BNIP2: variants seen among roughly 807,000 people sequenced by gnomAD.
BNIP2 encodes the protein BCL2/adenovirus E1B 19 kDa protein-interacting protein 2.
In BNIP2, 36 loss-of-function variants were observed where a neutral mutation model predicts 43.4. The observed-to-expected ratio is 0.83, with a 90% CI of 0.64 to 1.10. BNIP2 has a LOEUF of 1.10. BNIP2 is among the 50% of genes least tolerant of loss of function. The pLI is 0.00. For missense variants in BNIP2, 417 were observed against 374.1 expected (o/e 1.11, Z -0.95); for synonymous variants, 146 against 121.0 (o/e 1.21, Z -1.35).
intron 9 of BNIP2, among the ~76,000 whole-genome samples, chr15:59,664,739 G>A (rs569335912): frequency 6.7e-4 from 102 of 152,282 alleles, no homozygotes; most frequent in Non-Finnish European, 1.2e-3. Context: ...CTGTAACTTG[G>A]CTGTGGTAGG....
rs1892239237 is a variant in BNIP2 at position 59,661,114 on chromosome 15, T to A, written c.*2955A>T. The stretch of plus-strand genomic sequence containing the variant: ...CATTTGGGAGGCTGAGACAGGCAGA[T>A]CATGAGGTCAGGAGTTCGAGACCAG... On this transcript the variant is annotated 3_prime_UTR_variant, in exon 10 of 10. Transcript: ENST00000607373. 6.6e-6 allele frequency: 1 copy of A among 152,032 alleles called. No homozygotes were observed. Among genetic ancestry groups the A allele is most frequent in the Non-Finnish European group, 1.5e-5 (1 of 68,044 alleles). 9.4% of individuals were successfully genotyped at this position (152,032 alleles called of 1,614,324 possible).
intron 5 of BNIP2, chr15:59,677,468 T>A: frequency 7.1e-7 from 1 of 1,417,608 alleles, no homozygotes; most frequent in South Asian, 1.5e-5. Context: ...ATAGAGCAGG[T>A]GACTGGAAAT....
chr15:59,666,937 ACT>A (rs1491309568), intron 9 of BNIP2, among the ~76,000 whole-genome samples: 22 of 151,886 alleles, frequency 1.4e-4, no homozygotes, highest in Non-Finnish European at 3.2e-4. Flanking sequence ...AGTATTAAAA[ACT>A]TTTTTTAAAA....
chr15:59,678,960 C>A, intron 4 of BNIP2: 3 of 835,486 alleles, frequency 3.6e-6, no homozygotes, highest in Admixed American at 4.0e-5. Context: ...AAAAAAGAAA[C>A]CAAAAATATA....
chr15:59,680,282 T>G lies in BNIP2; in HGVS notation c.77A>C (p.Glu26Ala). Residue 26 changes from glutamate (E) to alanine (A), a missense_variant, in exon 3 of 10, where the codon GAA becomes GCA. Glu to Ala is a moderately radical substitution (Grantham distance 107). Transcript: ENST00000607373. ...TCCAGTTATAGCTAGTATATCTGCT[T>G]CAATACTATCATCTTCTGGTAAAGG... Reference protein sequence around the residue: ...PIPLPEDDSIEADILAITGPE... With the variant: ...PIPLPEDDSIAADILAITGPE... 6.2e-7 allele frequency: 1 copy of G among 1,603,150 alleles called. No homozygotes were observed. Among genetic ancestry groups the G allele is most frequent in the Non-Finnish European group, 8.5e-7 (1 of 1,174,078 alleles).
At position 59,689,233 on chromosome 15, in the gene BNIP2, G is replaced by A; in HGVS notation, c.-156C>T. ...CAAAAAGCAGGGCCGAGCGGAGCCCGCTCCCCTCGGTCGGCGGTGGAGACC... is the reference window on the plus strand; with the variant it reads ...CAAAAAGCAGGGCCGAGCGGAGCCCACTCCCCTCGGTCGGCGGTGGAGACC... On this transcript the variant is annotated 5_prime_UTR_variant, in exon 1 of 10. Coordinates refer to ENST00000607373, the MANE Select transcript of BNIP2 (RefSeq NM_004330.4). The A allele has an allele frequency of 6.5e-7, 1 of 1,541,806 alleles. No homozygotes were observed. Among genetic ancestry groups the A allele is most frequent in the South Asian group, 1.2e-5 (1 of 83,974 alleles).
intron 1 of BNIP2, among the ~76,000 whole-genome samples, chr15:59,684,978 C>A (rs1048599100): frequency 2.6e-5 from 4 of 152,170 alleles, no homozygotes; most frequent in Non-Finnish European, 4.4e-5. Flanking sequence ...TTTGCTCAAT[C>A]TCTTAGGCTT....
In BNIP2 at chr15:59,659,879, T is replaced by G. The variant is rs562669461; in HGVS notation, c.*4190A>C. 3 of 152,340 alleles carry G rather than the reference T, an allele frequency of 2.0e-5. No individual in the cohort carries two copies. The highest frequency in any genetic ancestry group is 7.2e-5 in the African/African-American group (3 of 41,578). 9.4% of individuals were successfully genotyped at this position (152,340 alleles called of 1,614,324 possible). On this transcript the variant is annotated 3_prime_UTR_variant, in exon 10 of 10. Transcript: ENST00000607373. ...TCTATTATAAATAGTTGCAACATAC[T>G]GTTATATTCAAATTTTAGTGTCACT...
chr15:59,677,445 G>C (rs1381389810), intron 5 of BNIP2: 17 of 1,427,938 alleles, frequency 1.2e-5, no homozygotes, highest in Non-Finnish European at 1.5e-5. Context: ...TGGATATAGT[G>C]CATCTCAGAG....
Position 59,671,231 on chromosome 15 carries a change from A to G in BNIP2, c.659T>C (p.Met220Thr). The G allele has an allele frequency of 6.2e-7, 1 of 1,602,250 alleles. No individual in the cohort carries two copies. Residue 220 changes from methionine to threonine, a missense_variant, in exon 7 of 10, where the codon ATG becomes ACG. By Grantham distance (81) the Met-to-Thr change is moderately conservative. Transcript: ENST00000607373. ...YLNGATTRRK[M>T]PSLGWLRKCY... ...TTTCCTGAGCCATCCCAGACTGGGC[A>G]TTTTTCTTCGAGTTGTTGCACCATT...
intron 1 of BNIP2, chr15:59,688,538 G>A: frequency 4.8e-6 from 3 of 622,788 alleles, no homozygotes; most frequent in Non-Finnish European, 8.2e-6. Context: ...ACTCTCCAGC[G>A]GCATGAAATG....
rs1208063689 is a variant in BNIP2 at position 59,661,696 on chromosome 15, A to C, written c.*2373T>G. ...AATTAGATCCATGATCCCAACAGAA[A>C]GATAAAAGTACAATCACATATACTT... On this transcript the variant is annotated 3_prime_UTR_variant, in exon 10 of 10. Transcript: ENST00000607373. 1 of 152,244 alleles carries C rather than the reference A, an allele frequency of 6.6e-6. No homozygotes were observed. Among genetic ancestry groups the C allele is most frequent in the African/African-American group, 2.4e-5 (1 of 41,464 alleles). The allele number at this position is 152,244 out of a possible 1,614,324, so 9.4% of individuals were successfully genotyped here. A position where few individuals can be genotyped will look rare whatever the true frequency, so the allele number is the denominator to read the frequency against.
At chr15:59,670,947 C>A (rs1948605441) in intron 7 of BNIP2, among the ~76,000 whole-genome samples, 1 of 152,066 alleles carries the variant, frequency 6.6e-6, no homozygotes. Context: ...GTGGCGCATG[C>A]CTGTAATCCC....
At chr15:59,678,903 G>C in intron 4 of BNIP2, 10 of 1,284,026 alleles carry the variant, frequency 7.8e-6, no homozygotes, top group South Asian at 6.3e-5. Context: ...TCTTTACAAA[G>C]TATTGCTTAC....
intron 4 of BNIP2, chr15:59,678,518 T>C (rs1893454643): frequency 2.8e-6 from 3 of 1,077,112 alleles, no homozygotes; most frequent in South Asian, 2.5e-5. Context: ...TTAACTGTAA[T>C]ACCAGATAGG....
intron 5 of BNIP2, among the ~76,000 whole-genome samples, chr15:59,674,480 T>C (rs1328131441): frequency 1.3e-5 from 2 of 152,252 alleles, no homozygotes; most frequent in African/African-American, 4.8e-5. Flanking sequence ...GAATAATGTA[T>C]GTCTGTGGAC....
chr15:59,678,685 T>A, intron 4 of BNIP2: 3 of 1,200,686 alleles, frequency 2.5e-6, no homozygotes, highest in Non-Finnish European at 3.2e-6. Flanking sequence ...TGTTTTGAGA[T>A]TGCAGTTTAG....
At chr15:59,685,432 T>C (rs6151460) in intron 1 of BNIP2, among the ~76,000 whole-genome samples, 50,246 of 151,916 alleles carry the variant, frequency 0.33, 8,651 homozygotes, top group East Asian at 0.54. Flanking sequence ...ACCCCAGAGG[T>C]GAAGGTTGCA....
intron 9 of BNIP2, among the ~76,000 whole-genome samples, chr15:59,667,804 C>T (rs191367959): frequency 1.1e-4 from 17 of 152,290 alleles, no homozygotes; most frequent in Admixed American, 1.0e-3. Flanking sequence ...TTTGGTGTTC[C>T]AAATACCATT....
Sources: gnomAD v4.1 joint callset for allele counts (sites outside exome capture counted in the v4.1 genomes callset) on GRCh38, gnomAD v4.1.1 for gene constraint, MANE v1.5 for transcripts, NCBI Gene and HGNC (gene_info 2026-07-23, HGNC 2026-07-21) for gene names.